ZNF516: variants seen among roughly 807,000 people sequenced by gnomAD.
ZNF516 encodes zinc finger protein 516.
Under a neutral mutation model 79.7 loss-of-function variants are expected in ZNF516, and 19 were observed. That is an observed-to-expected ratio of 0.24 (90% CI 0.17 to 0.35). ZNF516 has a LOEUF of 0.35. Ranked by LOEUF, ZNF516 falls within the 10% of genes least tolerant of loss-of-function variation. The pLI is 1.00. For missense variants in ZNF516, 1,678 were observed against 1,679.5 expected (o/e 1.00, Z 0.02); for synonymous variants, 877 against 739.5 (o/e 1.19, Z -3.02).
intron 3 of ZNF516, among the ~76,000 whole-genome samples, chr18:76,398,268 C>G (rs1054075361): frequency 6.6e-6 from 1 of 152,208 alleles, no homozygotes; most frequent in Non-Finnish European, 1.5e-5. Flanking sequence ...TAACAGCCAA[C>G]CAAAACACAT....
intron 2 of ZNF516, among the ~76,000 whole-genome samples, chr18:76,446,411 C>A (rs745936714): frequency 6.6e-6 from 1 of 152,252 alleles, no homozygotes; most frequent in African/African-American, 2.4e-5. Context: ...ACAGCCCCAT[C>A]TAGCCCAGCT....
At chr18:76,441,186 G>A (rs889810984) in intron 3 of ZNF516, 59 bp downstream of exon 3, 15 of 1,549,916 alleles carry the variant, frequency 9.7e-6, no homozygotes, top group Non-Finnish European at 1.2e-5. Flanking sequence ...TTACCTGGAA[G>A]CAGGAACCCC....
At chr18:76,494,745 T>C (rs934765870) in intron 1 of ZNF516, among the ~76,000 whole-genome samples, 1 of 151,676 alleles carries the variant, frequency 6.6e-6, no homozygotes, top group Non-Finnish European at 1.5e-5. Context: ...ATTTGCTCTT[T>C]GTCTCCTAAT....
chr18:76,430,789 AG>A, intron 3 of ZNF516, among the ~76,000 whole-genome samples: 1 of 152,378 alleles, frequency 6.6e-6, no homozygotes, highest in East Asian at 1.9e-4. Flanking sequence ...AGTAACACTC[AG>A]ATTTGGCACA....
intron 1 of ZNF516, among the ~76,000 whole-genome samples, chr18:76,477,073 C>T (rs1161113392): frequency 6.6e-6 from 1 of 152,188 alleles, no homozygotes; most frequent in Non-Finnish European, 1.5e-5. Context: ...ATGTCCAAAG[C>T]ACTGTTTTTG....
chr18:76,450,180 C>G (rs1032304223), intron 2 of ZNF516, among the ~76,000 whole-genome samples: 1 of 67,618 alleles, frequency 1.5e-5, no homozygotes, highest in Admixed American at 1.9e-4. Context: ...ACTCATGAAA[C>G]TAAAGGGGGG....
At chr18:76,482,484 T>C (rs981091887) in intron 1 of ZNF516, among the ~76,000 whole-genome samples, 1 of 152,170 alleles carries the variant, frequency 6.6e-6, no homozygotes, top group African/African-American at 2.4e-5. Context: ...AGGGTGGACG[T>C]CGGTACTTCA....
At chr18:76,476,483 G>A (rs1302075128) in intron 1 of ZNF516, among the ~76,000 whole-genome samples, 3 of 152,210 alleles carry the variant, frequency 2.0e-5, no homozygotes, top group Non-Finnish European at 4.4e-5. Context: ...CAAAAAAAGT[G>A]TCCACATCCA....
At chr18:76,395,427 C>T (rs895570587) in intron 3 of ZNF516, among the ~76,000 whole-genome samples, 4 of 152,094 alleles carry the variant, frequency 2.6e-5, no homozygotes, top group Non-Finnish European at 5.9e-5. Context: ...ATTTAATATC[C>T]AAGACTCACA....
At position 76,378,912 on chromosome 18, in the gene ZNF516, C is replaced by T. The variant is rs2074835324; in HGVS notation, c.3202G>A (p.Asp1068Asn). 6.2e-7 allele frequency: 1 copy of T among 1,613,738 alleles called. No individual in the cohort carries two copies. Among genetic ancestry groups the T allele is most frequent in the African/African-American group, 1.3e-5 (1 of 74,922 alleles). The stretch of plus-strand genomic sequence containing the variant: ...CATCCCTGGTAGAGGGTCGCAAAGT[C>T]CTTTGGAATGTACGTCTTAAAGATG... ...LNIFKTYIPK[D>N]FATLYQGWGV... The change falls in exon 4 of 7, where the codon GAC becomes AAC. Residue 1068 changes from aspartate (D) to asparagine (N), a missense_variant. Transcript: ENST00000443185.
At position 76,402,667 on chromosome 18, in the gene ZNF516, A is replaced by G. The variant is rs140773040; in HGVS notation, c.1811-22364T>C. 3.0e-3 allele frequency among the ~76,000 whole-genome samples: 452 copies of G among 152,336 alleles called. 1 individual carries two copies. Among genetic ancestry groups the G allele is most frequent in the African/African-American group, 0.01 (430 of 41,566 alleles). ...AGAGTCGCAACAGATCTGAACGACTAAACTCCGCTCCTTAAACGAACTTCA... is the reference window on the plus strand; with the variant it reads ...AGAGTCGCAACAGATCTGAACGACTGAACTCCGCTCCTTAAACGAACTTCA... On this transcript the variant is annotated intron_variant, in intron 3 of 6. Coordinates refer to ENST00000443185, the MANE Select transcript of ZNF516 (RefSeq NM_014643.4).
chr18:76,491,190 C>T, intron 1 of ZNF516: 5 of 842,512 alleles, frequency 5.9e-6, no homozygotes, highest in Non-Finnish European at 7.1e-6. Context: ...CCCCGGAGCC[C>T]GGTCCACGCC....
chr18:76,378,576 C>A (rs1436000708), intron 4 of ZNF516, among the ~76,000 whole-genome samples: 1 of 152,232 alleles, frequency 6.6e-6, no homozygotes, highest in Non-Finnish European at 1.5e-5. Flanking sequence ...GGAAGCCGTG[C>A]AGGGCTTGCG....
At chr18:76,405,147 T>A (rs2075287403) in intron 3 of ZNF516, among the ~76,000 whole-genome samples, 1 of 152,174 alleles carries the variant, frequency 6.6e-6, no homozygotes, top group Admixed American at 6.5e-5. Context: ...CTGGAGGTCA[T>A]CGGGAACACG....
chr18:76,434,010 G>A (rs543929983), intron 3 of ZNF516, among the ~76,000 whole-genome samples: 18 of 152,180 alleles, frequency 1.2e-4, no homozygotes, highest in Admixed American at 1.0e-3. Flanking sequence ...CCTCGGCAAC[G>A]CCTTACCCAA....
chr18:76,422,623 C>T (rs1393412393), intron 3 of ZNF516, among the ~76,000 whole-genome samples: 1 of 151,998 alleles, frequency 6.6e-6, no homozygotes, highest in African/African-American at 2.4e-5. Flanking sequence ...GGTTATGAAG[C>T]AGACATACCC....
chr18:76,490,981 G>A, intron 1 of ZNF516: 2 of 985,352 alleles, frequency 2.0e-6, no homozygotes, highest in Non-Finnish European at 2.4e-6. Flanking sequence ...CCACGCAGCA[G>A]CCCCTCGCGA....
chr18:76,448,348 T>TA (rs1912188786), intron 2 of ZNF516, among the ~76,000 whole-genome samples: 1 of 152,250 alleles, frequency 6.6e-6, no homozygotes, highest in Non-Finnish European at 1.5e-5. Context: ...TGTAGGCCAG[T>TA]ATTTCAACTA....
rs1420938232 is a variant in ZNF516, at chr18:76,491,146, G to C, written c.-272+3998C>G. ...CCAGAACAAAGTGAAGTTTAAAATA[G>C]AAACCAATTACCTGGGCTCCGCCGC... On this transcript the variant is annotated intron_variant, in intron 1 of 6. Transcript: ENST00000443185. The C allele has an allele frequency of 4.1e-6, 4 of 967,628 alleles. No homozygotes were observed. The African/African-American group carries it at 5.3e-5, about 13-fold the overall frequency. 59.9% of individuals were successfully genotyped at this position (967,628 alleles called of 1,614,324 possible).
Sources: allele counts gnomAD v4.1 joint callset (sites outside exome capture counted in the v4.1 genomes callset), GRCh38; gene constraint gnomAD v4.1.1; transcripts MANE v1.5; gene names NCBI Gene and HGNC (gene_info 2026-07-23, HGNC 2026-07-21).